The following CLSTN2 variants were observed in gnomAD, a reference collection of about 807,000 sequenced individuals.
CLSTN2 encodes calsyntenin-2.
CLSTN2 carries 48 observed loss-of-function variants against 101.2 expected under a neutral mutation model. That is an observed-to-expected ratio of 0.47 (90% CI 0.38 to 0.60). CLSTN2 has a LOEUF of 0.60. CLSTN2 is among the 20% of genes least tolerant of loss of function. CLSTN2 has a pLI of 0.00. For missense variants in CLSTN2, 1,160 were observed against 1,238.2 expected, an observed-to-expected ratio of 0.94 and a Z score of 0.95; for synonymous variants, 481 against 463.6, an observed-to-expected ratio of 1.04 and a Z score of -0.48.
intron 1 of CLSTN2, among the ~76,000 whole-genome samples, chr3:140,033,914 G>A (rs1225514838): frequency 2.0e-5 from 3 of 152,074 alleles, no homozygotes; most frequent in Admixed American, 6.6e-5. Flanking sequence ...GAAATAATTA[G>A]CTTTACCTTA....
intron 2 of CLSTN2, among the ~76,000 whole-genome samples, chr3:140,275,427 C>A (rs1468827771): frequency 6.6e-6 from 1 of 152,010 alleles, no homozygotes; most frequent in Non-Finnish European, 1.5e-5. Context: ...ACTACAGGCA[C>A]CCAGCTTTTA....
intron 2 of CLSTN2, among the ~76,000 whole-genome samples, chr3:140,350,477 G>T (rs2087593864): frequency 6.6e-6 from 1 of 152,162 alleles, no homozygotes; most frequent in Non-Finnish European, 1.5e-5. Flanking sequence ...CATGAATTGT[G>T]AAAGCACCTA....
intron 2 of CLSTN2, among the ~76,000 whole-genome samples, chr3:140,254,130 C>G (rs2086585787): frequency 6.6e-6 from 1 of 152,154 alleles, no homozygotes; most frequent in Admixed American, 6.5e-5. Context: ...TTCTCATGTT[C>G]TCGACTTCCA....
chr3:140,255,346 C>A (rs1374080594), intron 2 of CLSTN2, among the ~76,000 whole-genome samples: 1 of 152,174 alleles, frequency 6.6e-6, no homozygotes, highest in Non-Finnish European at 1.5e-5. Flanking sequence ...AAGACACATG[C>A]AGTGTATGTT....
At chr3:140,461,941 A>T (rs951377562) in intron 7 of CLSTN2, among the ~76,000 whole-genome samples, 19 of 136,700 alleles carry the variant, frequency 1.4e-4, no homozygotes, top group African/African-American at 4.9e-4. Context: ...TCCTAAATTA[A>T]AAAAAAAAAT....
chr3:140,435,596 T>G (rs997882537), intron 5 of CLSTN2, among the ~76,000 whole-genome samples: 11 of 152,238 alleles, frequency 7.2e-5, no homozygotes, highest in African/African-American at 2.7e-4. Context: ...GGAATCGGAT[T>G]GCTGGATTAA....
chr3:140,335,386 C>T (rs772030384), intron 2 of CLSTN2, among the ~76,000 whole-genome samples: 5 of 151,620 alleles, frequency 3.3e-5, no homozygotes, highest in African/African-American at 4.9e-5. Flanking sequence ...TTGATTATGG[C>T]AGGCAGCAGG....
chr3:139,960,526 A>T (rs986074640), intron 1 of CLSTN2, among the ~76,000 whole-genome samples: 7 of 152,212 alleles, frequency 4.6e-5, no homozygotes, highest in Non-Finnish European at 7.3e-5. Context: ...AGCCATGCTT[A>T]TCTCTCCTCC....
chr3:140,503,664 G>A (rs1377914249), intron 8 of CLSTN2, among the ~76,000 whole-genome samples: 3 of 152,146 alleles, frequency 2.0e-5, no homozygotes, highest in East Asian at 3.8e-4. Context: ...CAACACAATA[G>A]GAATGCTCTT....
At chr3:140,558,908 C>G in intron 12 of CLSTN2, 51 bp downstream of exon 12, 1 of 1,444,042 alleles carries the variant, frequency 6.9e-7, no homozygotes, top group Non-Finnish European at 9.7e-7. Flanking sequence ...TTTTTTACAG[C>G]CATGTGAAAA....
intron 2 of CLSTN2, among the ~76,000 whole-genome samples, chr3:140,177,925 C>T (rs6767999): frequency 0.22 from 33,777 of 151,946 alleles, 3,980 homozygotes; most frequent in Non-Finnish European, 0.26. Flanking sequence ...TCACTTCCCT[C>T]ATCCCCTTTC....
At chr3:140,314,881 A>G (rs2087214074) in intron 2 of CLSTN2, among the ~76,000 whole-genome samples, 1 of 152,162 alleles carries the variant, frequency 6.6e-6, no homozygotes, top group African/African-American at 2.4e-5. Flanking sequence ...CCCTAAAGGA[A>G]GGAATCCTCC....
At chr3:140,248,272 A>G (rs1402118142) in intron 2 of CLSTN2, among the ~76,000 whole-genome samples, 1 of 152,218 alleles carries the variant, frequency 6.6e-6, no homozygotes, top group African/African-American at 2.4e-5. Flanking sequence ...GACACAAACC[A>G]TACTGCTTAG....
chr3:140,260,182 A>C (rs1036898067), intron 2 of CLSTN2, among the ~76,000 whole-genome samples: 141 of 149,640 alleles, frequency 9.4e-4, no homozygotes, highest in African/African-American at 3.2e-3. Flanking sequence ...TGTACACCAT[A>C]CAAAATTAAA....
At chr3:140,369,989 G>T (rs997583263) in intron 2 of CLSTN2, among the ~76,000 whole-genome samples, 3 of 152,246 alleles carry the variant, frequency 2.0e-5, no homozygotes, top group Non-Finnish European at 4.4e-5. Flanking sequence ...CCATTGGGTT[G>T]TGGGTTGGGA....
chr3:140,259,864 T>A (rs932371406), intron 2 of CLSTN2, among the ~76,000 whole-genome samples: 14 of 152,152 alleles, frequency 9.2e-5, no homozygotes, highest in Non-Finnish European at 1.9e-4. Flanking sequence ...GAATTATTTG[T>A]TCATAGATGA....
chr3:140,169,234 T>C (rs1559796527), intron 1 of CLSTN2, among the ~76,000 whole-genome samples: 1 of 152,132 alleles, frequency 6.6e-6, no homozygotes, highest in Non-Finnish European at 1.5e-5. Context: ...TATTGCTAAG[T>C]TTCATGTTTT....
chr3:140,236,769 T>C (rs940496108), intron 2 of CLSTN2, among the ~76,000 whole-genome samples: 1 of 151,956 alleles, frequency 6.6e-6, no homozygotes, highest in Non-Finnish European at 1.5e-5. Context: ...TCATCCAATA[T>C]ATTTTTAATC....
intron 1 of CLSTN2, among the ~76,000 whole-genome samples, chr3:140,090,771 G>A (rs1234632480): frequency 6.6e-6 from 1 of 152,108 alleles, no homozygotes; most frequent in Non-Finnish European, 1.5e-5. Flanking sequence ...CTGAAGTGAG[G>A]AATCAAGACT....
Sources: gnomAD v4.1 joint callset for allele counts (sites outside exome capture counted in the v4.1 genomes callset) on GRCh38, gnomAD v4.1.1 for gene constraint, MANE v1.5 for transcripts, NCBI Gene and HGNC (gene_info 2026-07-23, HGNC 2026-07-21) for gene names.